TMC4: variants seen among roughly 807,000 people sequenced by gnomAD.
TMC4 encodes transmembrane channel like 4.
Under a neutral mutation model 82.0 loss-of-function variants are expected in TMC4, and 70 were observed. The ratio of observed to expected loss-of-function variants is 0.85; its 90% CI spans 0.70 to 1.04. The LOEUF (loss-of-function observed/expected upper bound fraction) is 1.04. TMC4 is among the 50% of genes least tolerant of loss of function. TMC4 has a pLI of 0.00. For missense variants in TMC4, 879 were observed against 899.0 expected (o/e 0.98, Z 0.28); for synonymous variants, 446 against 406.0 (o/e 1.10, Z -1.18).
chr19:54,172,927 T>C, intron 1 of TMC4, 112 bp downstream of exon 1: 1 of 885,414 alleles, frequency 1.1e-6, no homozygotes, highest in Non-Finnish European at 1.8e-6. Context: ...AGTGGAACCT[T>C]CTCTCTTTAG....
At chr19:54,166,262 C>A (rs140896366) in intron 5 of TMC4, among the ~76,000 whole-genome samples, 1,505 of 148,650 alleles carry the variant, frequency 0.01, 20 homozygotes, top group African/African-American at 0.035. Context: ...GCCTGTAATC[C>A]CAACTACTTG....
intron 7 of TMC4, 73 bp downstream of exon 7, chr19:54,164,361 C>A: frequency 6.6e-7 from 1 of 1,522,430 alleles, no homozygotes; most frequent in Non-Finnish European, 8.9e-7. Context: ...TCCCAAACTT[C>A]CGTCCCCTCC....
At position 54,160,866 on chromosome 19, in the gene TMC4, G is replaced by A; in HGVS notation, c.1973+12C>T. ...CATTCAAACCCAGACCCAGAAGTCT[G>A]GGCCGTCTCACCTGGAGATCAGCAG... On this transcript the variant is annotated intron_variant, in intron 13 of 14. Coordinates refer to ENST00000619895, the MANE Select transcript of TMC4 (RefSeq NM_144686.4). 1 of 1,613,602 alleles carries A rather than the reference G, an allele frequency of 6.2e-7. No individual in the cohort carries two copies. The highest frequency in any genetic ancestry group is 8.5e-7 in the Non-Finnish European group (1 of 1,179,806).
chr19:54,168,320 A>C (rs1223099804), intron 4 of TMC4, 28 bp from the exon 5 acceptor site: 1 of 1,545,876 alleles, frequency 6.5e-7, no homozygotes, highest in Non-Finnish European at 8.7e-7. Context: ...CGCAGGGGCC[A>C]CTGTGGGAGG....
In TMC4 at chr19:54,171,929, C is replaced by T; in HGVS notation, c.234G>A (p.Leu78=). 6.2e-7 allele frequency: 1 copy of T among 1,613,660 alleles called. No individual in the cohort carries two copies. The highest frequency in any genetic ancestry group is 8.5e-7 in the Non-Finnish European group (1 of 1,179,756). The change falls in exon 2 of 15, where the codon CTG becomes CTA. Residue 78 remains leucine, a synonymous_variant. Transcript: ENST00000619895. ...GTTCCCGGGAAGGGTGAGGGTCCTG[C>T]AGCTCTGTCTGGGTGACTTCTGTGA... ...KAFTEVTQTE[L]QDPHPSRELP...
At position 54,162,195 on chromosome 19, in the gene TMC4, G is replaced by A; in HGVS notation, c.1593C>T (p.Tyr531=). Residue 531 remains tyrosine (Y), a synonymous_variant, in exon 11 of 15, where the codon TAC becomes TAT. Transcript: ENST00000619895. ...QVPDEVLGLI[Y]AQTVVWVGSF... ...TCCCCACCCAGACCACCGTCTGCGC[G>A]TAGATGAGCCCCAGCACCTCGTCGG... 1.2e-6 allele frequency: 2 copies of A among 1,613,534 alleles called. No homozygotes were observed. Among genetic ancestry groups the A allele is most frequent in the Admixed American group, 1.7e-5 (1 of 59,924 alleles).
chr19:54,165,405 C>T lies in TMC4; in HGVS notation c.945+14G>A. The T allele has an allele frequency of 6.3e-7, 1 of 1,586,028 alleles. No individual in the cohort carries two copies. On this transcript the variant is annotated intron_variant, in intron 6 of 14. Coordinates refer to ENST00000619895, the MANE Select transcript of TMC4 (RefSeq NM_144686.4). ...GGTCCCTACCCAGTTGCAGACCCCG[C>T]TCCCTAATCGCACCTTTAATTCGTA...
At chr19:54,160,641 C>A in intron 13 of TMC4, 96 bp from the exon 14 acceptor site, 1 of 1,572,978 alleles carries the variant, frequency 6.4e-7, no homozygotes, top group Non-Finnish European at 8.6e-7. Flanking sequence ...ACGCCTAAGC[C>A]CCTCCTCGTC....
rs757872994 is a variant in TMC4, at chr19:54,161,182, G to T, written c.1765C>A (p.Leu589Ile). The change falls in exon 12 of 15, where the codon CTT (leucine) becomes ATT (isoleucine). Residue 589 changes from leucine to isoleucine, a missense_variant. Transcript: ENST00000619895. Reference sequence around the variant, plus strand: ...CTGGAGATGGCCAGACCCAGGAGAAGGACCAAGGGGAAAAAGAAATTCGCC... The same window carrying T: ...CTGGAGATGGCCAGACCCAGGAGAATGACCAAGGGGAAAAAGAAATTCGCC... ...SAANFFFPLV[L>I]LLGLAISSVP... The T allele has an allele frequency of 6.3e-7, 1 of 1,592,926 alleles. No individual in the cohort carries two copies. The highest frequency in any genetic ancestry group is 8.5e-7 in the Non-Finnish European group (1 of 1,171,356).
rs978422857 is a variant in TMC4 at position 54,160,983 on chromosome 19, C to T, written c.1868G>A (p.Trp623Ter). The T allele has an allele frequency of 3.7e-6, 6 of 1,614,060 alleles. No homozygotes were observed. In the African/African-American group the frequency reaches 6.7e-5, roughly 18 times the overall value. The change falls in exon 13 of 15, where the codon TGG (tryptophan) becomes TAG (stop). Residue 623 changes from tryptophan to a stop codon, truncating the protein, a stop_gained. Coordinates refer to ENST00000619895, the MANE Select transcript of TMC4 (RefSeq NM_144686.4). LOFTEE classifies it high-confidence loss of function. ...GGAAATAGACTCAGGGATCTGGGCC[C>T]AGATGGACGACTGCCCCCGGAATGG... is the stretch of plus-strand genomic sequence containing the variant. ...CGPFRGQSSI[W>*]AQIPESISSL...
Position 54,162,129 on chromosome 19 carries a change from C to T in TMC4, c.1659G>A (p.Lys553=), listed in dbSNP as rs1425624650. The T allele has an allele frequency of 6.2e-7, 1 of 1,613,540 alleles. No individual in the cohort carries two copies. The highest frequency in any genetic ancestry group is 8.5e-7 in the Non-Finnish European group (1 of 1,179,756). ...TCTTCAGGTAGAAAAGCAGCAGGAA[C>T]TTGACCGTGTTAAGCAGGGGCAGTA... ...CPLLPLLNTV[K]FLLLFYLKKL... is the part of the protein sequence containing the mutation. The change falls in exon 11 of 15, where the codon AAG becomes AAA. Residue 553 remains lysine (K), a synonymous_variant. Transcript: ENST00000619895.
At position 54,165,541 on chromosome 19, in the gene TMC4, G is replaced by A. The variant is rs914532832; in HGVS notation, c.823C>T (p.Leu275=). The part of the protein sequence containing the change: ...HRSVSGLKQT[L]LAESEALTSY... ...GTCAGAGCCTCGGACTCCGCCAGCA[G>A]TGTCTGCTTCAGCCCAGACACCGAG... The change falls in exon 6 of 15, where the codon CTG becomes TTG. Residue 275 remains leucine (L), a synonymous_variant. Transcript: ENST00000619895. 4 of 1,610,246 alleles carry A rather than the reference G, an allele frequency of 2.5e-6. No homozygotes were observed. The highest frequency in any genetic ancestry group is 1.3e-5 in the African/African-American group (1 of 74,898).
intron 6 of TMC4, among the ~76,000 whole-genome samples, chr19:54,164,914 G>A (rs1600565378): frequency 6.6e-6 from 1 of 152,060 alleles, no homozygotes; most frequent in East Asian, 1.9e-4. Flanking sequence ...CTGCCCATCA[G>A]AGGCTCCGCC....
chr19:54,168,063 C>CA (rs56242780), intron 5 of TMC4, 108 bp downstream of exon 5: 38,517 of 968,572 alleles, frequency 0.04, no homozygotes, highest in Non-Finnish European at 0.043. Context: ...AACTCCGTCT[C>CA]AAAAAAAAAA....
At position 54,172,996 on chromosome 19, in the gene TMC4, C is replaced by G. The variant is rs773312891; in HGVS notation, c.79+43G>C. 6.3e-6 allele frequency: 10 copies of G among 1,574,832 alleles called. No homozygotes were observed. The East Asian group carries it at 1.4e-4, about 21-fold the overall frequency. ...CTCCTCCAGCAGGACTCCCACCTAGCCTGAAGGTCGGATGGATCTGAGCTT... is the reference window on the plus strand; with the variant it reads ...CTCCTCCAGCAGGACTCCCACCTAGGCTGAAGGTCGGATGGATCTGAGCTT... On this transcript the variant is annotated intron_variant, in intron 1 of 14. Transcript: ENST00000619895.
Position 54,161,193 on chromosome 19 carries a change from A to T in TMC4, c.1754T>A (p.Phe585Tyr). The T allele has an allele frequency of 6.3e-7, 1 of 1,593,390 alleles. No individual in the cohort carries two copies. The highest frequency in any genetic ancestry group is 8.5e-7 in the Non-Finnish European group (1 of 1,171,030). ...TFRASAANFF[F>Y]PLVLLLGLAI... ...CAGACCCAGGAGAAGGACCAAGGGG[A>T]AAAAGAAATTCGCCGCGGAGGCCCG... Residue 585 changes from phenylalanine (F) to tyrosine (Y), a missense_variant, in exon 12 of 15, where the codon TTC becomes TAC. Transcript: ENST00000619895.
At chr19:54,164,879 T>C (rs1324788808) in intron 6 of TMC4, among the ~76,000 whole-genome samples, 38 of 151,632 alleles carry the variant, frequency 2.5e-4, no homozygotes, top group East Asian at 3.9e-4. Flanking sequence ...CCGCCCAGCA[T>C]CCCAAGACCC....
chr19:54,161,095 A>C (rs748913322), intron 12 of TMC4, 35 bp downstream of exon 12: 26 of 1,601,344 alleles, frequency 1.6e-5, no homozygotes, highest in Non-Finnish European at 2.0e-5. Flanking sequence ...ATGGGGAGAG[A>C]GGGAGGGAGA....
intron 2 of TMC4, 144 bp downstream of exon 2, chr19:54,171,726 A>AC (rs1372139902): frequency 3.0e-6 from 2 of 677,912 alleles, no homozygotes; most frequent in Admixed American, 7.2e-5. Context: ...GAAGAAAGAA[A>AC]CCAAGAGAGG....
Sources: allele counts gnomAD v4.1 joint callset (sites outside exome capture counted in the v4.1 genomes callset), GRCh38; gene constraint gnomAD v4.1.1; transcripts MANE v1.5; gene names NCBI Gene and HGNC (gene_info 2026-07-23, HGNC 2026-07-21).